The following PPP6R2 variants were observed in gnomAD, a reference collection of about 807,000 sequenced individuals.
The protein encoded by PPP6R2 is protein phosphatase 6 regulatory subunit 2, also known as serine/threonine-protein phosphatase 6 regulatory subunit 2.
In PPP6R2, 62 loss-of-function variants were observed where a neutral mutation model predicts 100.2. That is an observed-to-expected ratio of 0.62 (90% CI 0.50 to 0.76). The LOEUF (loss-of-function observed/expected upper bound fraction) is 0.76. Among genes scored for constraint, PPP6R2 ranks in the 30% least tolerant of loss-of-function variants. The pLI, the probability that PPP6R2 is intolerant of heterozygous loss-of-function variation, is 0.00. For missense variants in PPP6R2, 1,142 were observed against 1,276.3 expected, an observed-to-expected ratio of 0.89 and a Z score of 1.60; for synonymous variants, 525 against 514.7, an observed-to-expected ratio of 1.02 and a Z score of -0.27.
At chr22:50,366,581 G>A (rs1412580100) in intron 1 of PPP6R2, among the ~76,000 whole-genome samples, 1 of 152,118 alleles carries the variant, frequency 6.6e-6, no homozygotes, top group African/African-American at 2.4e-5. Flanking sequence ...TGGGATTACA[G>A]GTGTGAGCCA....
At chr22:50,405,720 A>G in intron 3 of PPP6R2, among the ~76,000 whole-genome samples, 1 of 91,602 alleles carries the variant, frequency 1.1e-5, no homozygotes, top group Non-Finnish European at 2.3e-5. Context: ...GAGAGGTGAG[A>G]GGCCTGGAGA....
At chr22:50,430,645 G>A (rs1193161185) in intron 10 of PPP6R2, among the ~76,000 whole-genome samples, 4 of 152,084 alleles carry the variant, frequency 2.6e-5, no homozygotes, top group African/African-American at 4.8e-5. Flanking sequence ...AGGCGGAGGC[G>A]GGCAGATCAC....
chr22:50,436,529 A>AG, intron 14 of PPP6R2, 77 bp downstream of exon 14: 1 of 1,437,074 alleles, frequency 7.0e-7, no homozygotes, highest in Non-Finnish European at 9.6e-7. Context: ...CTTTGCCCTG[A>AG]GGCAGAGGCC....
At chr22:50,355,493 T>C (rs1471137709) in intron 1 of PPP6R2, among the ~76,000 whole-genome samples, 1 of 150,696 alleles carries the variant, frequency 6.6e-6, no homozygotes, top group East Asian at 1.9e-4. Context: ...CCTTCCAAAG[T>C]GCTGGGATTA....
At chr22:50,368,568 A>G (rs1034566507) in intron 1 of PPP6R2, among the ~76,000 whole-genome samples, 1 of 152,222 alleles carries the variant, frequency 6.6e-6, no homozygotes, top group Admixed American at 6.5e-5. Context: ...ACATATATCT[A>G]TAATCTATTT....
intron 1 of PPP6R2, among the ~76,000 whole-genome samples, chr22:50,370,476 A>T (rs912188685): frequency 5.3e-5 from 8 of 149,554 alleles, no homozygotes; most frequent in African/African-American, 1.7e-4. Context: ...TTTAGTAGAG[A>T]TGGGGTTTCA....
At chr22:50,421,235 G>A (rs550042269) in intron 8 of PPP6R2, among the ~76,000 whole-genome samples, 1 of 152,316 alleles carries the variant, frequency 6.6e-6, no homozygotes, top group South Asian at 2.1e-4. Flanking sequence ...ACCCAGGAAA[G>A]CTGAGCCACT....
In PPP6R2 at chr22:50,437,561, G is replaced by A; in HGVS notation, c.1739G>A (p.Gly580Asp). Residue 580 changes from glycine to aspartate, a missense_variant, in exon 16 of 24, where the codon GGC becomes GAC. Physicochemically the swap from Gly to Asp is moderately conservative, Grantham distance 94. This residue lies in a region of PPP6R2 where 592 missense variants were observed against 758.9 expected (regional missense o/e 0.78). Coordinates refer to ENST00000612753, the MANE Select transcript of PPP6R2 (RefSeq NM_001242898.2). ...ACAGCCAACTTCGTGGATCAGTTTGGCTTCAATGATGAGGAGTTTGCCGAC... is the reference window on the plus strand; with the variant it reads ...ACAGCCAACTTCGTGGATCAGTTTGACTTCAATGATGAGGAGTTTGCCGAC... ...QMTANFVDQF[G>D]FNDEEFADQD... 6.7e-7 allele frequency: 1 copy of A among 1,488,178 alleles called. No individual in the cohort carries two copies. Among genetic ancestry groups the A allele is most frequent in the Middle Eastern group, 1.8e-4 (1 of 5,412 alleles). The allele number at this position is 1,488,178 out of a possible 1,614,324, so 92.2% of individuals were successfully genotyped here.
At chr22:50,340,597 T>TG (rs1371562158), upstream of PPP6R2, among the ~76,000 whole-genome samples, 54 of 110,798 alleles carry the variant, frequency 4.9e-4, no homozygotes, top group South Asian at 3.4e-3. Context: ...GGTGTGTGTG[T>TG]GTGGTGTGTG....
At chr22:50,403,556 G>C (rs972173028) in intron 3 of PPP6R2, among the ~76,000 whole-genome samples, 2 of 152,198 alleles carry the variant, frequency 1.3e-5, no homozygotes, top group African/African-American at 2.4e-5. Flanking sequence ...AGTTCGGCTA[G>C]TGAGGTCGGC....
rs935307794 is a variant in PPP6R2, at chr22:50,359,002, C to A, written c.-147-13018C>A. 2.5e-3 allele frequency among the ~76,000 whole-genome samples: 232 copies of A among 93,592 alleles called. 22 individuals carry two copies. The highest frequency in any genetic ancestry group is 9.6e-3 in the Middle Eastern group (2 of 208). The allele number at this position is 93,592 out of a possible 152,430, so 61.4% of individuals were successfully genotyped here. On this transcript the variant is annotated intron_variant, in intron 1 of 23. Coordinates refer to ENST00000612753, the MANE Select transcript of PPP6R2 (RefSeq NM_001242898.2). ...GTGTAAAAGAACCGCCCCCCCCCCC[C>A]CCCCAACTCTTTTTTTGAGACGGAG... is the stretch of plus-strand genomic sequence containing the variant.
chr22:50,437,660 C>T (rs2064655517), intron 16 of PPP6R2, 57 bp downstream of exon 16: 1 of 1,454,364 alleles, frequency 6.9e-7, no homozygotes, highest in African/African-American at 1.4e-5. Flanking sequence ...CTGCTGAGCT[C>T]CCGTGGAGGC....
chr22:50,399,940 T>G lies in PPP6R2; in HGVS notation c.227+5805T>G, dbSNP rs78127291. 4.4e-4 allele frequency among the ~76,000 whole-genome samples: 67 copies of G among 152,378 alleles called. No individual in the cohort carries two copies. The East Asian group carries it at 0.011, about 25-fold the overall frequency. ...GGTCTTTTCGTGAGCTCTTGTCTAG[T>G]TTGCTTGCCAAGATCTGGATTATTT... On this transcript the variant is annotated intron_variant, in intron 3 of 23. Coordinates refer to ENST00000612753, the MANE Select transcript of PPP6R2 (RefSeq NM_001242898.2).
chr22:50,439,946 C>G lies in PPP6R2; in HGVS notation c.2286-15C>G, dbSNP rs752636391. On this transcript the variant is annotated splice_polypyrimidine_tract_variant and intron_variant, in intron 20 of 23. Transcript: ENST00000612753. ...TGTCCCCCAGGACTGATCCTGTCCT[C>G]GTCCTTGTATGCAGCTCCGAGTCAG... is the stretch of plus-strand genomic sequence containing the variant. The G allele has an allele frequency of 6.2e-7, 1 of 1,612,652 alleles. No homozygotes were observed. Among genetic ancestry groups the G allele is most frequent in the African/African-American group, 1.3e-5 (1 of 74,934 alleles).
At chr22:50,372,342 G>C (rs62241248) in intron 2 of PPP6R2, among the ~76,000 whole-genome samples, 192 bp downstream of exon 2, 3 of 152,050 alleles carry the variant, frequency 2.0e-5, no homozygotes, top group Non-Finnish European at 4.4e-5. Context: ...ATGAGATCAG[G>C]AGTTCGAGAC....
chr22:50,353,943 C>T (rs554262716), intron 1 of PPP6R2, among the ~76,000 whole-genome samples: 2 of 151,196 alleles, frequency 1.3e-5, no homozygotes, highest in Admixed American at 6.6e-5. Context: ...GGAATTGTAA[C>T]GATAACTGAT....
rs762638679 is a variant in PPP6R2 at position 50,432,249 on chromosome 22, C to A, written c.1336-16C>A. ...TCAGACCCTGACTCACGCTGTCCCCCTGCCCCGCCCCCCAGCTGTTCCAGA... is the reference window on the plus strand; with the variant it reads ...TCAGACCCTGACTCACGCTGTCCCCATGCCCCGCCCCCCAGCTGTTCCAGA... On this transcript the variant is annotated splice_polypyrimidine_tract_variant and intron_variant, in intron 11 of 23. Transcript: ENST00000612753. The A allele has an allele frequency of 6.5e-7, 1 of 1,549,326 alleles. No homozygotes were observed. The highest frequency in any genetic ancestry group is 8.7e-7 in the Non-Finnish European group (1 of 1,146,516).
Position 50,443,988 on chromosome 22 carries a change from A to C in PPP6R2, c.2702A>C (p.Lys901Thr). 6.2e-7 allele frequency: 1 copy of C among 1,612,688 alleles called. No homozygotes were observed. Among genetic ancestry groups the C allele is most frequent in the Non-Finnish European group, 8.5e-7 (1 of 1,179,812 alleles). Reference sequence around the variant, plus strand: ...GTGGCCATCACCACAGCACTGAGCAAGGCTGGCCCCGCCATACCCACCCCA... The same window carrying C: ...GTGGCCATCACCACAGCACTGAGCACGGCTGGCCCCGCCATACCCACCCCA... The part of the protein sequence containing the change: ...ATVAITTALS[K>T]AGPAIPTPAV... Residue 901 changes from lysine (K) to threonine (T), a missense_variant, in exon 23 of 24, where the codon AAG (lysine) becomes ACG (threonine). Around this residue, in one of 2 missense-constraint regions of PPP6R2, gnomAD observed 550 missense variants for 517.4 expected, o/e 1.06. Transcript: ENST00000612753.
rs370761407 is a variant in PPP6R2, at chr22:50,431,122, C to A, written c.1126-51C>A. 1.3e-5 allele frequency: 19 copies of A among 1,455,618 alleles called. No homozygotes were observed. In the Admixed American group the frequency reaches 3.1e-4, roughly 24 times the overall value. The allele number at this position is 1,455,618 out of a possible 1,614,324, so 90.2% of individuals were successfully genotyped here. On this transcript the variant is annotated intron_variant, in intron 10 of 23. Coordinates refer to ENST00000612753, the MANE Select transcript of PPP6R2 (RefSeq NM_001242898.2). The surrounding 1 kb of genome is among the most constrained non-coding windows in gnomAD (Gnocchi z 4.8). ...GTTTCCCTCAGCTTTGTGGTGTAGC[C>A]GGCAGGAGAAAACCGATCTAAGAAC...
Sources: gnomAD v4.1 joint callset for allele counts (sites outside exome capture counted in the v4.1 genomes callset) on GRCh38, gnomAD v4.1.1 for gene constraint, gnomAD v4.1.1 regional missense constraint, Gnocchi (gnomAD v3.1) non-coding constraint, MANE v1.5 for transcripts, NCBI Gene and HGNC (gene_info 2026-07-23, HGNC 2026-07-21) for gene names.